PID1: variants seen among roughly 807,000 people sequenced by gnomAD.
The protein encoded by PID1 is PTB-containing, cubilin and LRP1-interacting protein.
A neutral mutation model predicts 19.1 loss-of-function variants in PID1; 10 were observed. The ratio of observed to expected loss-of-function variants is 0.52; its 90% CI spans 0.32 to 0.89. The LOEUF is 0.89. PID1 is among the 40% of genes least tolerant of loss of function. The pLI, the probability that PID1 is intolerant of heterozygous loss-of-function variation, is 0.03. For synonymous variants in PID1, 130 were observed against 116.0 expected (o/e 1.12, Z -0.78); for missense variants, 248 against 285.3 (o/e 0.87, Z 0.94).
intron 1 of PID1, among the ~76,000 whole-genome samples, chr2:229,211,351 C>A (rs1419938): frequency 6.6e-6 from 1 of 151,660 alleles, no homozygotes; most frequent in Admixed American, 6.6e-5. Flanking sequence ...GCACTTTGAA[C>A]GGTAACTGTT....
intron 2 of PID1, among the ~76,000 whole-genome samples, chr2:229,050,230 A>G (rs1464612497): frequency 1.3e-5 from 2 of 152,172 alleles, no homozygotes; most frequent in East Asian, 1.9e-4. Flanking sequence ...ACAATCCCCC[A>G]TTAGAGCGTG....
intron 2 of PID1, among the ~76,000 whole-genome samples, chr2:229,109,815 T>C (rs1695260167): frequency 6.6e-6 from 1 of 152,230 alleles, no homozygotes. Context: ...GCATATATTG[T>C]GTAGCCAGGG....
chr2:229,230,995 C>G (rs1692193088), intron 1 of PID1, among the ~76,000 whole-genome samples: 1 of 152,048 alleles, frequency 6.6e-6, no homozygotes, highest in Non-Finnish European at 1.5e-5. Context: ...AATCAGTCAA[C>G]TCCTCTTACT....
intron 2 of PID1, among the ~76,000 whole-genome samples, chr2:229,149,676 G>T (rs1247341113): frequency 2.6e-5 from 4 of 152,172 alleles, no homozygotes; most frequent in Non-Finnish European, 4.4e-5. Context: ...AAACTGGTTT[G>T]TTTGACAGTT....
chr2:229,058,871 A>G (rs1694156475), intron 2 of PID1, among the ~76,000 whole-genome samples: 1 of 152,204 alleles, frequency 6.6e-6, no homozygotes, highest in Non-Finnish European at 1.5e-5. Context: ...CCACATCTTA[A>G]AAGAGCTTCA....
intron 2 of PID1, among the ~76,000 whole-genome samples, chr2:229,150,858 T>TG (rs1201871954): frequency 6.6e-6 from 1 of 151,988 alleles, no homozygotes; most frequent in Non-Finnish European, 1.5e-5. Flanking sequence ...AGTGCCTTTT[T>TG]TTTTTTTTTA....
intron 2 of PID1, among the ~76,000 whole-genome samples, chr2:229,110,454 G>T (rs1574636362): frequency 6.6e-6 from 1 of 152,170 alleles, no homozygotes; most frequent in East Asian, 1.9e-4. Context: ...AGGTTCTCTA[G>T]GAATGGGAGG....
chr2:229,130,019 A>G (rs1447015460), intron 2 of PID1, among the ~76,000 whole-genome samples: 1 of 152,212 alleles, frequency 6.6e-6, no homozygotes, highest in East Asian at 1.9e-4. Context: ...AACATTTCTC[A>G]AGGACACTTA....
chr2:229,163,640 A>G (rs1407627488), intron 1 of PID1, among the ~76,000 whole-genome samples: 1 of 105,160 alleles, frequency 9.5e-6, no homozygotes. Context: ...AGACAGAGGG[A>G]GAGAGAGAGA....
At chr2:229,265,255 G>T (rs1250284655) in intron 1 of PID1, among the ~76,000 whole-genome samples, 2 of 152,198 alleles carry the variant, frequency 1.3e-5, no homozygotes, top group Non-Finnish European at 2.9e-5. Context: ...GAGGGCAGAG[G>T]AATCCTGGGC....
chr2:229,179,534 T>C (rs1219359116), intron 1 of PID1, among the ~76,000 whole-genome samples: 1 of 152,158 alleles, frequency 6.6e-6, no homozygotes, highest in African/African-American at 2.4e-5. Flanking sequence ...AAAGATGCCC[T>C]CAAATTTTCA....
intron 2 of PID1, among the ~76,000 whole-genome samples, chr2:229,137,029 G>A (rs913979978): frequency 3.9e-5 from 6 of 152,148 alleles, no homozygotes; most frequent in African/African-American, 7.2e-5. Flanking sequence ...ATCATAATGC[G>A]GGAGAAATGC....
intron 2 of PID1, among the ~76,000 whole-genome samples, chr2:229,057,197 G>A (rs1223155671): frequency 3.9e-5 from 6 of 152,066 alleles, no homozygotes; most frequent in Non-Finnish European, 8.8e-5. Context: ...CAGCACTTTG[G>A]GAGGCCGAGG....
At chr2:229,212,556 T>A (rs1368480024) in intron 1 of PID1, among the ~76,000 whole-genome samples, 1 of 152,176 alleles carries the variant, frequency 6.6e-6, no homozygotes, top group Non-Finnish European at 1.5e-5. Flanking sequence ...TATTTTAGAT[T>A]GTTATTTCCA....
Position 229,025,822 on chromosome 2 carries a change from T to A in PID1, c.464A>T (p.Asn155Ile), listed in dbSNP as rs752250623. The A allele has an allele frequency of 1.2e-6, 2 of 1,614,110 alleles. No individual in the cohort carries two copies. The highest frequency in any genetic ancestry group is 1.3e-5 in the African/African-American group (1 of 74,950). Residue 155 changes from asparagine to isoleucine, a missense_variant, in exon 3 of 3, where the codon AAT (asparagine) becomes ATT (isoleucine). By Grantham distance (149) the Asn-to-Ile change is moderately radical. Transcript: ENST00000392055. ...GTCCATCTGGTAGGACAGGTCATCATTGATCTCCCTGTAGACCCAGGCGAA... is the reference window on the plus strand; with the variant it reads ...GTCCATCTGGTAGGACAGGTCATCAATGATCTCCCTGTAGACCCAGGCGAA... ...NIFAWVYREI[N>I]DDLSYQMDCH...
intron 2 of PID1, among the ~76,000 whole-genome samples, chr2:229,098,177 C>T (rs1695007766): frequency 1.3e-5 from 2 of 152,184 alleles, no homozygotes; most frequent in East Asian, 1.9e-4. Context: ...AAAACACTGA[C>T]GTTCCAATTT....
At chr2:229,056,199 A>C (rs1264006478) in intron 2 of PID1, among the ~76,000 whole-genome samples, 1 of 152,186 alleles carries the variant, frequency 6.6e-6, no homozygotes, top group Non-Finnish European at 1.5e-5. Flanking sequence ...TATTAACAAG[A>C]GTATAAAATC....
At chr2:229,150,430 A>G (rs1454888716) in intron 2 of PID1, among the ~76,000 whole-genome samples, 1 of 152,100 alleles carries the variant, frequency 6.6e-6, no homozygotes, top group Non-Finnish European at 1.5e-5. Context: ...TGTTGTGGAA[A>G]GACAGCGATG....
intron 2 of PID1, among the ~76,000 whole-genome samples, chr2:229,058,727 G>GGA (rs1694153228): frequency 7.4e-6 from 1 of 134,760 alleles, no homozygotes; most frequent in Non-Finnish European, 1.6e-5. Flanking sequence ...GTAATAATTT[G>GGA]AAAAAAAAAA....
Sources: gnomAD v4.1 joint callset for allele counts (sites outside exome capture counted in the v4.1 genomes callset) on GRCh38, gnomAD v4.1.1 for gene constraint, MANE v1.5 for transcripts, NCBI Gene and HGNC (gene_info 2026-07-23, HGNC 2026-07-21) for gene names.